FBRSL1: variants seen among roughly 807,000 people sequenced by gnomAD.
The protein encoded by FBRSL1 is fibrosin like 1, also known as fibrosin-1-like protein.
A neutral mutation model predicts 89.6 loss-of-function variants in FBRSL1; 51 were observed. That is an observed-to-expected ratio of 0.57 (90% confidence interval 0.45 to 0.72). The LOEUF is 0.72. FBRSL1 is among the 30% of genes least tolerant of loss of function. The probability of loss-of-function intolerance (pLI) is 0.00; values close to 1 mark genes in which losing one functional copy is unlikely to be tolerated. For synonymous variants in FBRSL1, 779 were observed against 681.1 expected, an observed-to-expected ratio of 1.14 and a Z score of -2.24; for missense variants, 1,618 against 1,451.8, an observed-to-expected ratio of 1.11 and a Z score of -1.86.
intron 4 of FBRSL1, among the ~76,000 whole-genome samples, chr12:132,528,690 T>C (rs1388797477): frequency 7.4e-6 from 1 of 135,298 alleles, no homozygotes; most frequent in Non-Finnish European, 1.6e-5. Flanking sequence ...TGTGTTTCAG[T>C]GTGTGCCTGA....
intron 15 of FBRSL1, among the ~76,000 whole-genome samples, chr12:132,578,155 A>G (rs1046426075): frequency 1.3e-5 from 2 of 152,220 alleles, no homozygotes; most frequent in Non-Finnish European, 2.9e-5. Flanking sequence ...TATTCTTACA[A>G]TGAAGTCCAC....
At chr12:132,580,934 T>G (rs1227017657) in intron 15 of FBRSL1, 1 of 985,304 alleles carries the variant, frequency 1.0e-6, no homozygotes, top group Non-Finnish European at 1.2e-6. Context: ...GGGCTGATGT[T>G]GACGTGGTGC....
chr12:132,527,914 G>A, intron 3 of FBRSL1, 39 bp from the exon 4 acceptor site: 1 of 1,549,580 alleles, frequency 6.5e-7, no homozygotes. Flanking sequence ...TTTGTTCCGA[G>A]TGGCAGCCTC....
chr12:132,500,882 C>T (rs1291346066), intron 1 of FBRSL1, among the ~76,000 whole-genome samples: 2 of 152,224 alleles, frequency 1.3e-5, no homozygotes, highest in South Asian at 2.1e-4. Context: ...TTGGCCCCTG[C>T]CCCAGTTGCT....
At chr12:132,560,006 G>T (rs2038976120) in intron 5 of FBRSL1, 1 of 148,462 alleles carries the variant, frequency 6.7e-6, no homozygotes, top group South Asian at 1.8e-4. Context: ...CGCCGCGCCC[G>T]ACGTCCGCCC....
intron 4 of FBRSL1, among the ~76,000 whole-genome samples, chr12:132,536,718 G>GTA (rs1343690892): frequency 6.6e-6 from 1 of 151,076 alleles, no homozygotes; most frequent in African/African-American, 2.4e-5. Context: ...GACAGTGTGT[G>GTA]TGAGTATACG....
Position 132,518,373 on chromosome 12 carries a change from A to G in FBRSL1, c.490-7361A>G, listed in dbSNP as rs566743133. ...TTCATCATCCACTCATCTGTAGTGT[A>G]TCTCATCCATCCATCCACCTGTCTG... On this transcript the variant is annotated intron_variant, in intron 2 of 18. Coordinates refer to ENST00000680143, the MANE Select transcript of FBRSL1 (RefSeq NM_001367871.1). 8.3e-4 allele frequency among the ~76,000 whole-genome samples: 120 copies of G among 143,934 alleles called. No homozygotes were observed. In the South Asian group the frequency reaches 0.026, roughly 31 times the overall value. 94.4% of individuals were successfully genotyped at this position (143,934 alleles called of 152,430 possible).
At chr12:132,577,840 G>C (rs1398064312) in intron 15 of FBRSL1, among the ~76,000 whole-genome samples, 1 of 152,274 alleles carries the variant, frequency 6.6e-6, no homozygotes, top group African/African-American at 2.4e-5. Flanking sequence ...CTGAGGGCCA[G>C]CTGTGTGCAC....
chr12:132,490,992 C>T (rs1163331049), intron 1 of FBRSL1, 131 bp downstream of exon 1: 1 of 683,870 alleles, frequency 1.5e-6, no homozygotes, highest in Non-Finnish European at 1.9e-6. Context: ...AAGCCCCGGC[C>T]ACTTGGTACC....
At chr12:132,536,004 G>A (rs1022201877) in intron 4 of FBRSL1, among the ~76,000 whole-genome samples, 23 of 151,626 alleles carry the variant, frequency 1.5e-4, no homozygotes, top group African/African-American at 4.9e-4. Context: ...TACATGATGC[G>A]TGGATGTTTG....
chr12:132,502,156 C>T (rs1020738977), intron 1 of FBRSL1, among the ~76,000 whole-genome samples: 5 of 152,214 alleles, frequency 3.3e-5, no homozygotes, highest in African/African-American at 9.6e-5. Context: ...GCGGCAGCCC[C>T]GCATTTCCTT....
chr12:132,564,600 A>G lies in FBRSL1; in HGVS notation c.646-2881A>G, dbSNP rs376958234. Among the ~76,000 whole-genome samples the G allele has an allele frequency of 8.7e-3, 1,090 of 124,644 alleles. 36 individuals are homozygous for G. In the East Asian group the frequency reaches 0.11, roughly 13 times the overall value. 81.8% of individuals were successfully genotyped at this position (124,644 alleles called of 152,430 possible). On this transcript the variant is annotated intron_variant, in intron 5 of 18. Transcript: ENST00000680143. ...AAGCTCCGCCTCCCGGGTTCACGCC[A>G]TTCTCCTGCCTCAGCCTCCCGAGTA...
chr12:132,573,266 G>C (rs868575956), intron 11 of FBRSL1, among the ~76,000 whole-genome samples: 5 of 152,316 alleles, frequency 3.3e-5, no homozygotes, highest in Middle Eastern at 3.4e-3. Flanking sequence ...CCAAGCCCTT[G>C]ACCTCCCAGG....
intron 1 of FBRSL1, among the ~76,000 whole-genome samples, chr12:132,496,081 G>A (rs575398142): frequency 4.7e-4 from 71 of 152,322 alleles, no homozygotes; most frequent in South Asian, 4.1e-3. Context: ...TGGCTACGCC[G>A]CGTGCCTGCA....
rs1185738275 is a variant in FBRSL1 at position 132,581,353 on chromosome 12, T to C, written c.1835-86T>C. On this transcript the variant is annotated intron_variant, in intron 15 of 18. Transcript: ENST00000680143. ...GGGAGGTGAAGGTTCACAGAGGAAA[T>C]TGGGGTGCTCCCTGTGAACAGAGCT... 30 of 1,547,580 alleles carry C rather than the reference T, an allele frequency of 1.9e-5. No individual in the cohort carries two copies. The East Asian group carries it at 4.7e-4, about 24-fold the overall frequency.
intron 5 of FBRSL1, chr12:132,565,439 A>G (rs2039529000): frequency 6.6e-6 from 1 of 152,030 alleles, no homozygotes; most frequent in African/African-American, 2.4e-5. Flanking sequence ...AGGTACACAC[A>G]CCCGAGAATG....
At position 132,584,562 on chromosome 12, in the gene FBRSL1, G is replaced by T. The variant is rs1402536756; in HGVS notation, c.*784G>T. 1.3e-5 allele frequency: 2 copies of T among 152,150 alleles called. No homozygotes were observed. Among genetic ancestry groups the T allele is most frequent in the Admixed American group, 6.5e-5 (1 of 15,280 alleles). The allele number at this position is 152,150 out of a possible 1,614,324, so 9.4% of individuals were successfully genotyped here. A position where few individuals can be genotyped will look rare whatever the true frequency, so the allele number is the denominator to read the frequency against. On this transcript the variant is annotated 3_prime_UTR_variant, in exon 19 of 19. Transcript: ENST00000680143. ...TCCTTCAACTATGCAAGCGCTTCCC[G>T]GCGGCTCTGCTGGTTGGGGGAGGAA... is the stretch of plus-strand genomic sequence containing the variant.
At chr12:132,576,502 A>C (rs913921858) in intron 14 of FBRSL1, among the ~76,000 whole-genome samples, 2 of 152,210 alleles carry the variant, frequency 1.3e-5, no homozygotes, top group Non-Finnish European at 2.9e-5. Context: ...CTTAACTTTT[A>C]AAAGAATCTA....
chr12:132,583,374 G>A lies in FBRSL1; in HGVS notation c.2605G>A (p.Ala869Thr). The A allele has an allele frequency of 1.8e-6, 2 of 1,098,928 alleles. No homozygotes were observed. The highest frequency in any genetic ancestry group is 2.2e-6 in the Non-Finnish European group (2 of 902,012). 68.1% of individuals were successfully genotyped at this position (1,098,928 alleles called of 1,614,324 possible). ...GCCACGTCGCGCCTTCCCCGCTGCC[G>A]CCCCCGCCCCGGGCTCCGCCGCCCT... ...ELPRRAFPAA[A>T]PAPGSAALLE... is the part of the protein sequence containing the mutation. Residue 869 changes from alanine (A) to threonine (T), a missense_variant, in exon 19 of 19, where the codon GCC (alanine) becomes ACC (threonine). Coordinates refer to ENST00000680143, the MANE Select transcript of FBRSL1 (RefSeq NM_001367871.1).
Sources: allele counts gnomAD v4.1 joint callset (sites outside exome capture counted in the v4.1 genomes callset), GRCh38; gene constraint gnomAD v4.1.1; transcripts MANE v1.5; gene names NCBI Gene and HGNC (gene_info 2026-07-23, HGNC 2026-07-21).